Variants in ROCK2 observed in about 807,000 individuals in gnomAD.
ROCK2 encodes the protein rho-associated protein kinase 2.
A neutral mutation model predicts 195.1 loss-of-function variants in ROCK2; 61 were observed. That is an observed-to-expected ratio of 0.31 (90% CI 0.25 to 0.39). The LOEUF is 0.39. ROCK2 is among the 10% of genes least tolerant of loss of function. The pLI is 1.00. For synonymous variants in ROCK2, 504 were observed against 545.5 expected (o/e 0.92, Z 1.06); for missense variants, 1,109 against 1,637.4 (o/e 0.68, Z 5.57).
chr2:11,233,987 C>T (rs1261907398), intron 5 of ROCK2: 1 of 152,064 alleles, frequency 6.6e-6, no homozygotes, highest in Non-Finnish European at 1.5e-5. Flanking sequence ...AACAGTAAAC[C>T]GTGCTCACTT....
intron 1 of ROCK2, among the ~76,000 whole-genome samples, chr2:11,296,365 A>C (rs189644944): frequency 3.9e-5 from 6 of 152,322 alleles, no homozygotes; most frequent in African/African-American, 1.4e-4. Context: ...ATTCACACTT[A>C]ATGACAAGAA....
In ROCK2 at chr2:11,182,147, A is replaced by C. The variant is rs1428057035; in HGVS notation, c.*1290T>G. On this transcript the variant is annotated 3_prime_UTR_variant, in exon 33 of 33. Coordinates refer to ENST00000315872, the MANE Select transcript of ROCK2 (RefSeq NM_004850.5). Reference sequence around the variant, plus strand: ...AACTGTAACTTTGACAGCATTTAAAAAATAAAAATCAAATTAAGTGCCTTT... The same window carrying C: ...AACTGTAACTTTGACAGCATTTAAACAATAAAAATCAAATTAAGTGCCTTT... 1 of 152,206 alleles carries C rather than the reference A, an allele frequency of 6.6e-6. No individual in the cohort carries two copies. Among genetic ancestry groups the C allele is most frequent in the Non-Finnish European group, 1.5e-5 (1 of 68,036 alleles). The allele number at this position is 152,206 out of a possible 1,614,324, so 9.4% of individuals were successfully genotyped here.
Position 11,306,403 on chromosome 2 carries a change from T to G in ROCK2, c.142-18667A>C, listed in dbSNP as rs76966349. On this transcript the variant is annotated intron_variant, in intron 1 of 32. Coordinates refer to ENST00000315872, the MANE Select transcript of ROCK2 (RefSeq NM_004850.5). The stretch of plus-strand genomic sequence containing the variant: ...AAAGTTCTATATTTCGCATTATCTT[T>G]GTTTTACCTTCTTTCTCCTTACCAC... 2.6e-3 allele frequency among the ~76,000 whole-genome samples: 398 copies of G among 152,316 alleles called. 5 individuals carry two copies. In the East Asian group the frequency reaches 0.035, roughly 13 times the overall value.
intron 3 of ROCK2, among the ~76,000 whole-genome samples, chr2:11,266,340 G>C (rs183773502): frequency 1.3e-5 from 2 of 152,296 alleles, no homozygotes; most frequent in East Asian, 1.9e-4. Context: ...ATGACCTTAA[G>C]ACAGCTGACA....
intron 18 of ROCK2, among the ~76,000 whole-genome samples, chr2:11,210,220 G>C (rs1043900449): frequency 2.0e-5 from 3 of 150,812 alleles, no homozygotes; most frequent in African/African-American, 7.3e-5. Flanking sequence ...TATCAATTCA[G>C]AGAATAATCA....
At chr2:11,276,723 G>C (rs1162946136) in intron 3 of ROCK2, among the ~76,000 whole-genome samples, 1 of 152,064 alleles carries the variant, frequency 6.6e-6, no homozygotes, top group East Asian at 1.9e-4. Context: ...AAATAAATTT[G>C]TTCAAAATAA....
At position 11,194,274 on chromosome 2, in the gene ROCK2, T is replaced by C. The variant is rs1225126910; in HGVS notation, c.3590A>G (p.Tyr1197Cys). 7.0e-7 allele frequency: 1 copy of C among 1,426,406 alleles called. No individual in the cohort carries two copies. The highest frequency in any genetic ancestry group is 9.6e-7 in the Non-Finnish European group (1 of 1,047,118). The allele number at this position is 1,426,406 out of a possible 1,614,324, so 88.4% of individuals were successfully genotyped here. The change falls in exon 29 of 33, where the codon TAC (tyrosine) becomes TGC (cysteine). Residue 1197 changes from tyrosine (Y) to cysteine (C), a missense_variant. By Grantham distance (194) the Tyr-to-Cys change is radical (BLOSUM62 -2). Around this residue, in one of 6 missense-constraint regions of ROCK2, gnomAD observed 221 missense variants for 355.1 expected, o/e 0.62. Coordinates refer to ENST00000315872, the MANE Select transcript of ROCK2 (RefSeq NM_004850.5). Reference sequence around the variant, plus strand: ...CACTTACTCTATATCTAAAACCATGTAAGGATTGGATTGTTCTTTATCTTG... The same window carrying C: ...CACTTACTCTATATCTAAAACCATGCAAGGATTGGATTGTTCTTTATCTTG... The part of the protein sequence containing the change: ...SEQDKEQSNP[Y>C]MVLDIDKLFH...
intron 1 of ROCK2, among the ~76,000 whole-genome samples, chr2:11,292,156 TA>T (rs898766392): frequency 3.0e-4 from 45 of 151,282 alleles, no homozygotes; most frequent in African/African-American, 7.5e-4. Context: ...AATACCGTAT[TA>T]AAAAAAAAGT....
At chr2:11,327,460 G>A (rs1668583661) in intron 1 of ROCK2, among the ~76,000 whole-genome samples, 1 of 152,146 alleles carries the variant, frequency 6.6e-6, no homozygotes, top group Admixed American at 6.5e-5. Flanking sequence ...CAGAGTCCTG[G>A]GCCCTCTGTT....
Position 11,296,599 on chromosome 2 carries a change from C to T in ROCK2, c.142-8863G>A, listed in dbSNP as rs147300648. Among the ~76,000 whole-genome samples, 1,089 of 152,244 alleles carry T rather than the reference C, an allele frequency of 7.2e-3. 17 individuals are homozygous for T. The highest frequency in any genetic ancestry group is 0.025 in the African/African-American group (1,037 of 41,558). On this transcript the variant is annotated intron_variant, in intron 1 of 32. Coordinates refer to ENST00000315872, the MANE Select transcript of ROCK2 (RefSeq NM_004850.5). ...CACTATTTTCAATATCACCTAAATA[C>T]ACACTATGCATTTAAAGATTACGTA...
chr2:11,221,190 C>G lies in ROCK2; in HGVS notation c.1259+8G>C. ...ACAGTAAAATTTAACAAATAATAAA[C>G]CACATACAAATTTTCTCTATAGTAG... On this transcript the variant is annotated splice_region_variant and intron_variant, in intron 9 of 32. Transcript: ENST00000315872. 6.5e-7 allele frequency: 1 copy of G among 1,527,566 alleles called. No individual in the cohort carries two copies. 94.6% of individuals were successfully genotyped at this position (1,527,566 alleles called of 1,614,324 possible). A position where few individuals can be genotyped will look rare whatever the true frequency, so the allele number is the denominator to read the frequency against.
intron 3 of ROCK2, among the ~76,000 whole-genome samples, chr2:11,262,112 G>A (rs1490999907): frequency 1.3e-5 from 2 of 152,098 alleles, no homozygotes; most frequent in Non-Finnish European, 2.9e-5. Context: ...ACTAGTCTAT[G>A]AGTACCTAAA....
In ROCK2 at chr2:11,201,561, T is replaced by C. The variant is rs1663852839; in HGVS notation, c.2620-148A>G. The stretch of plus-strand genomic sequence containing the variant: ...GAGCAAATGAATAGTTTAATGAACT[T>C]TCCTATTTCTAGTCATCAATTAACT... On this transcript the variant is annotated intron_variant, in intron 21 of 32. Coordinates refer to ENST00000315872, the MANE Select transcript of ROCK2 (RefSeq NM_004850.5). The surrounding 1 kb of genome is among the most constrained non-coding windows in gnomAD (Gnocchi z 4.6). The C allele has an allele frequency of 8.4e-6, 5 of 596,370 alleles. No individual in the cohort carries two copies. Among genetic ancestry groups the C allele is most frequent in the Non-Finnish European group, 1.5e-5 (5 of 337,162 alleles). The allele number at this position is 596,370 out of a possible 1,614,324, so 36.9% of individuals were successfully genotyped here. A position where few individuals can be genotyped will look rare whatever the true frequency, so the allele number is the denominator to read the frequency against.
chr2:11,269,627 C>G (rs1254585628), intron 3 of ROCK2, among the ~76,000 whole-genome samples: 1 of 152,016 alleles, frequency 6.6e-6, no homozygotes, highest in East Asian at 1.9e-4. Flanking sequence ...TATACATTTT[C>G]CTGTTTCTTC....
intron 32 of ROCK2, chr2:11,184,903 A>G (rs1357332152): frequency 3.0e-6 from 1 of 337,386 alleles, no homozygotes; most frequent in Non-Finnish European, 4.2e-6. Flanking sequence ...CAACAAGATT[A>G]AAATTAAGAC....
At chr2:11,334,249 G>A (rs887301800) in intron 1 of ROCK2, among the ~76,000 whole-genome samples, 3 of 152,094 alleles carry the variant, frequency 2.0e-5, no homozygotes, top group African/African-American at 7.2e-5. Context: ...GCAGTGACTT[G>A]AGCCTGTAAT....
At chr2:11,338,519 T>A (rs747124274) in intron 1 of ROCK2, among the ~76,000 whole-genome samples, 1 of 152,210 alleles carries the variant, frequency 6.6e-6, no homozygotes, top group African/African-American at 2.4e-5. Flanking sequence ...ACTTAAAGTA[T>A]ATGGAGGATA....
intron 29 of ROCK2, 97 bp from the exon 30 acceptor site, chr2:11,193,954 C>CT (rs1382745447): frequency 1.7e-6 from 1 of 577,954 alleles, no homozygotes; most frequent in African/African-American, 1.9e-5. Flanking sequence ...ACACTGACTA[C>CT]TTTGACCCAT....
At chr2:11,234,913 G>T (rs558118227) in intron 5 of ROCK2, among the ~76,000 whole-genome samples, 38 of 152,104 alleles carry the variant, frequency 2.5e-4, no homozygotes, top group African/African-American at 8.7e-4. Context: ...ATTTGACTAG[G>T]TAACTACCAA....
Sources: allele counts gnomAD v4.1 joint callset (sites outside exome capture counted in the v4.1 genomes callset), GRCh38; gene constraint gnomAD v4.1.1; regional missense constraint gnomAD v4.1.1; non-coding constraint Gnocchi (gnomAD v3.1); transcripts MANE v1.5; gene names NCBI Gene and HGNC (gene_info 2026-07-23, HGNC 2026-07-21).